The following CTSO variants were observed in gnomAD, a reference collection of about 807,000 sequenced individuals.
The protein encoded by CTSO is cathepsin O.
A neutral mutation model predicts 42.4 loss-of-function variants in CTSO; 40 were observed. That is an observed-to-expected ratio of 0.94 (90% CI 0.73 to 1.23). CTSO has a LOEUF of 1.23. Among genes scored for constraint, CTSO ranks in the 50% most tolerant of loss-of-function variants. CTSO has a pLI of 0.00. For synonymous variants in CTSO, 156 were observed against 146.2 expected (o/e 1.07, Z -0.48); for missense variants, 441 against 396.0 (o/e 1.11, Z -0.96).
intron 3 of CTSO, among the ~76,000 whole-genome samples, chr4:155,941,698 C>G (rs928278141): frequency 2.0e-5 from 3 of 152,130 alleles, no homozygotes; most frequent in African/African-American, 7.2e-5. Flanking sequence ...TGCTACTGCT[C>G]AATTCTGCAT....
Position 155,924,731 on chromosome 4 carries a change from C to T in CTSO, c.*1305G>A, listed in dbSNP as rs1256108641. The stretch of plus-strand genomic sequence containing the variant: ...TGCTCTAAGGTTCTTACACTGCTAA[C>T]AAGAAATGGCTTTTTTCCTGTTGCA... On this transcript the variant is annotated 3_prime_UTR_variant, in exon 8 of 8. Transcript: ENST00000433477. 1 of 152,174 alleles carries T rather than the reference C, an allele frequency of 6.6e-6. No homozygotes were observed. Among genetic ancestry groups the T allele is most frequent in the Non-Finnish European group, 1.5e-5 (1 of 68,034 alleles). The allele number at this position is 152,174 out of a possible 1,614,324, so 9.4% of individuals were successfully genotyped here.
intron 5 of CTSO, among the ~76,000 whole-genome samples, chr4:155,933,495 G>A (rs1278635268): frequency 6.6e-6 from 1 of 152,194 alleles, no homozygotes; most frequent in East Asian, 1.9e-4. Context: ...AAATGTGGAA[G>A]TGACTTTGGA....
chr4:155,926,410 A>C (rs1405208367), intron 7 of CTSO, among the ~76,000 whole-genome samples: 1 of 152,234 alleles, frequency 6.6e-6, no homozygotes, highest in East Asian at 1.9e-4. Flanking sequence ...AAATAACTTA[A>C]GAAATTATTT....
At chr4:155,928,482 T>C in intron 6 of CTSO, 54 bp from the exon 7 acceptor site, 3 of 1,259,442 alleles carry the variant, frequency 2.4e-6, no homozygotes, top group Non-Finnish European at 3.4e-6. Context: ...TTGTTATGAA[T>C]GTTTAAGTTT....
At chr4:155,947,778 G>A (rs72681597) in intron 1 of CTSO, among the ~76,000 whole-genome samples, 1,610 of 152,202 alleles carry the variant, frequency 0.011, 5 homozygotes, top group Admixed American at 0.017. Context: ...AACAACCTCC[G>A]TTAGGTAAAG....
chr4:155,943,561 T>TG (rs1424980069), intron 1 of CTSO, among the ~76,000 whole-genome samples: 1 of 151,984 alleles, frequency 6.6e-6, no homozygotes, highest in African/African-American at 2.4e-5. Flanking sequence ...ATTGACATAG[T>TG]GGGAAAAAAG....
intron 7 of CTSO, among the ~76,000 whole-genome samples, chr4:155,926,622 G>A (rs1481076247): frequency 6.6e-6 from 1 of 152,148 alleles, no homozygotes; most frequent in South Asian, 2.1e-4. Context: ...AATACTATCT[G>A]CCTTATGCCA....
At chr4:155,937,209 A>G (rs1312925372) in intron 5 of CTSO, among the ~76,000 whole-genome samples, 153 bp downstream of exon 5, 1 of 152,190 alleles carries the variant, frequency 6.6e-6, no homozygotes, top group African/African-American at 2.4e-5. Context: ...CAACATTTAC[A>G]ACATTTCATT....
intron 3 of CTSO, among the ~76,000 whole-genome samples, chr4:155,941,276 G>A (rs928394485): frequency 3.3e-5 from 5 of 152,202 alleles, no homozygotes; most frequent in Non-Finnish European, 7.3e-5. Flanking sequence ...CTGTTTGGCA[G>A]GCATTCCCTA....
chr4:155,935,078 AT>A (rs1475682301), intron 5 of CTSO, among the ~76,000 whole-genome samples: 1 of 152,112 alleles, frequency 6.6e-6, no homozygotes, highest in African/African-American at 2.4e-5. Context: ...AGGTAATTGA[AT>A]TCATGGGGGC....
chr4:155,943,115 T>TA lies in CTSO; in HGVS notation c.244+40dup, dbSNP rs760109800. The TA allele has an allele frequency of 3.0e-5, 35 of 1,178,312 alleles. No individual in the cohort carries two copies. The South Asian group carries it at 4.3e-4, about 14-fold the overall frequency. The allele number at this position is 1,178,312 out of a possible 1,614,324, so 73.0% of individuals were successfully genotyped here. On this transcript the variant is annotated intron_variant, in intron 2 of 7. Coordinates refer to ENST00000433477, the MANE Select transcript of CTSO (RefSeq NM_001334.3). The stretch of plus-strand genomic sequence containing the variant: ...TTTATCAAAAGTTAAGCAAGCAAAT[T>TA]AAAATCAGGAAACCACCTAAATAGC...
At chr4:155,942,816 A>T (rs934744310) in intron 2 of CTSO, among the ~76,000 whole-genome samples, 2 of 152,136 alleles carry the variant, frequency 1.3e-5, no homozygotes, top group African/African-American at 4.8e-5. Flanking sequence ...AATAAAAATA[A>T]GTATAATTGA....
intron 5 of CTSO, among the ~76,000 whole-genome samples, chr4:155,933,273 TCTC>T (rs1270495095): frequency 2.6e-5 from 4 of 152,080 alleles, no homozygotes; most frequent in Non-Finnish European, 5.9e-5. Context: ...GGTTTCCACT[TCTC>T]CTTCTTCCTC....
chr4:155,931,296 T>C (rs901053189), intron 5 of CTSO, among the ~76,000 whole-genome samples: 1 of 152,106 alleles, frequency 6.6e-6, no homozygotes, highest in East Asian at 1.9e-4. Flanking sequence ...CTCCATCAAT[T>C]GAAGAAAACA....
intron 5 of CTSO, 21 bp downstream of exon 5, chr4:155,937,341 A>T: frequency 1.3e-6 from 2 of 1,572,964 alleles, no homozygotes; most frequent in Non-Finnish European, 1.7e-6. Flanking sequence ...AAAGAAAAAC[A>T]TAATACAATA....
intron 1 of CTSO, among the ~76,000 whole-genome samples, chr4:155,946,201 G>A (rs551558897): frequency 6.6e-6 from 1 of 152,050 alleles, no homozygotes; most frequent in Non-Finnish European, 1.5e-5. Flanking sequence ...ACAATATATT[G>A]CCACTCAAGT....
chr4:155,928,882 G>A lies in CTSO; in HGVS notation c.839-454C>T, dbSNP rs113748878. On this transcript the variant is annotated intron_variant, in intron 6 of 7. Coordinates refer to ENST00000433477, the MANE Select transcript of CTSO (RefSeq NM_001334.3). Reference sequence around the variant, plus strand: ...GGAATCTGACAAGACATTTACATTGGGAACAGGCCCCCCAAATCCGGCCAT... The same window carrying A: ...GGAATCTGACAAGACATTTACATTGAGAACAGGCCCCCCAAATCCGGCCAT... 1.0e-2 allele frequency among the ~76,000 whole-genome samples: 1,516 copies of A among 152,176 alleles called. 30 individuals carry two copies. Among genetic ancestry groups the A allele is most frequent in the African/African-American group, 0.035 (1,440 of 41,506 alleles).
At chr4:155,926,939 G>T (rs1057453878) in intron 7 of CTSO, among the ~76,000 whole-genome samples, 3 of 152,186 alleles carry the variant, frequency 2.0e-5, no homozygotes, top group African/African-American at 7.2e-5. Flanking sequence ...CACCACTGCT[G>T]CAGTCGGACA....
chr4:155,945,915 CCACACCACACCAAATGCGCACACA>C (rs920471646), intron 1 of CTSO, among the ~76,000 whole-genome samples: 2 of 152,100 alleles, frequency 1.3e-5, no homozygotes, highest in African/African-American at 4.8e-5. Flanking sequence ...CACACACACA[CCACACCACACCAAATGCGCACACA>C]CACACATACG....
Sources: gnomAD v4.1 joint callset for allele counts (sites outside exome capture counted in the v4.1 genomes callset) on GRCh38, gnomAD v4.1.1 for gene constraint, MANE v1.5 for transcripts, NCBI Gene and HGNC (gene_info 2026-07-23, HGNC 2026-07-21) for gene names.